SKP2: variants seen among roughly 807,000 people sequenced by gnomAD.
SKP2 encodes S-phase kinase associated protein 2.
A neutral mutation model predicts 51.8 loss-of-function variants in SKP2; 16 were observed. The ratio of observed to expected loss-of-function variants is 0.31; its 90% CI spans 0.21 to 0.47. SKP2 has a LOEUF of 0.47. SKP2 is among the 20% of genes least tolerant of loss of function. The pLI is 1.00. For synonymous variants in SKP2, 176 were observed against 198.6 expected (o/e 0.89, Z 0.96); for missense variants, 377 against 505.3 (o/e 0.75, Z 2.43).
intron 1 of SKP2, 150 bp downstream of exon 1, chr5:36,152,420 G>A (rs185448561): frequency 7.3e-6 from 6 of 819,180 alleles, no homozygotes; most frequent in Middle Eastern, 4.5e-4. Flanking sequence ...TGAATGGATG[G>A]ATGCCTTAGT....
At chr5:36,153,580 C>T (rs971671345) in intron 2 of SKP2, among the ~76,000 whole-genome samples, 14 of 152,206 alleles carry the variant, frequency 9.2e-5, no homozygotes, top group Admixed American at 8.5e-4. Context: ...TCACCCAACC[C>T]GAAAACCTGA....
intron 5 of SKP2, among the ~76,000 whole-genome samples, chr5:36,168,881 G>A (rs913285590): frequency 6.6e-6 from 1 of 152,216 alleles, no homozygotes; most frequent in African/African-American, 2.4e-5. Flanking sequence ...AAATGTTTCA[G>A]TGAATATGTG....
At chr5:36,191,592 G>A (rs867372641) in intron 6 of SKP2, among the ~76,000 whole-genome samples, 2 of 152,170 alleles carry the variant, frequency 1.3e-5, no homozygotes, top group East Asian at 1.9e-4. Flanking sequence ...TGGATAAAGC[G>A]CTTGTGTCCT....
intron 4 of SKP2, 63 bp downstream of exon 4, chr5:36,166,725 C>CTTT (rs3086385): frequency 1.5e-3 from 1,315 of 899,350 alleles, no homozygotes; most frequent in Non-Finnish European, 1.8e-3. Flanking sequence ...CAGATCAAAG[C>CTTT]TTTTTTTTTT....
chr5:36,171,678 A>G lies in SKP2; in HGVS notation c.846A>G (p.Ser282=), dbSNP rs61755301. ...TACAGGTGGCTGTTGCGCATGTGTCAGAGACCATCACCCAGCTGAATCTTA... is the reference window on the plus strand; with the variant it reads ...TACAGGTGGCTGTTGCGCATGTGTCGGAGACCATCACCCAGCTGAATCTTA... ...KHVQVAVAHV[S]ETITQLNLSG... is the part of the protein sequence containing the mutation. Residue 282 remains serine (S), a synonymous_variant, in exon 7 of 10, where the codon TCA becomes TCG. Coordinates refer to ENST00000274255, the MANE Select transcript of SKP2 (RefSeq NM_005983.4). 0.047 allele frequency: 75,181 copies of G among 1,613,848 alleles called. 2,316 individuals carry two copies. The highest frequency in any genetic ancestry group is 0.13 in the East Asian group (5,976 of 44,868).
rs1458466731 is a variant in SKP2 at position 36,182,663 on chromosome 5, G to T, written c.*632G>T. ...AAACATTACAAAACCCAGAGATATA[G>T]AATCAATATAGGATTTGAAGGCCCA... is the stretch of plus-strand genomic sequence containing the variant. On this transcript the variant is annotated 3_prime_UTR_variant, in exon 10 of 10. Coordinates refer to ENST00000274255, the MANE Select transcript of SKP2 (RefSeq NM_005983.4). 6.1e-6 allele frequency: 6 copies of T among 976,820 alleles called. No homozygotes were observed. Among genetic ancestry groups the T allele is most frequent in the Non-Finnish European group, 7.3e-6 (6 of 822,100 alleles). 60.5% of individuals were successfully genotyped at this position (976,820 alleles called of 1,614,324 possible).
intron 7 of SKP2, among the ~76,000 whole-genome samples, chr5:36,174,673 A>G (rs1745575286): frequency 6.6e-6 from 1 of 152,156 alleles, no homozygotes; most frequent in Non-Finnish European, 1.5e-5. Flanking sequence ...AAATGCAAGG[A>G]CGAAGAGCAA....
chr5:36,182,677 T>C lies in SKP2; in HGVS notation c.*646T>C, dbSNP rs938812805. ...CCAGAGATATAGAATCAATATAGGA[T>C]TTGAAGGCCCAGCAGACAGTTTTCT... On this transcript the variant is annotated 3_prime_UTR_variant, in exon 10 of 10. Coordinates refer to ENST00000274255, the MANE Select transcript of SKP2 (RefSeq NM_005983.4). 7.6e-5 allele frequency: 74 copies of C among 977,612 alleles called. No homozygotes were observed. Among genetic ancestry groups the C allele is most frequent in the African/African-American group, 8.8e-5 (5 of 57,086 alleles). The allele number at this position is 977,612 out of a possible 1,614,324, so 60.6% of individuals were successfully genotyped here.
chr5:36,180,917 G>A (rs898827651), intron 9 of SKP2, among the ~76,000 whole-genome samples: 1 of 152,116 alleles, frequency 6.6e-6, no homozygotes, highest in East Asian at 1.9e-4. Flanking sequence ...ACTTTGTACT[G>A]TATGTCCCAA....
At chr5:36,186,151 G>C (rs1745953557), downstream of SKP2, among the ~76,000 whole-genome samples, 2 of 152,154 alleles carry the variant, frequency 1.3e-5, no homozygotes, top group African/African-American at 4.8e-5. Flanking sequence ...AGGAGATTTT[G>C]GCTGAGACGA....
At chr5:36,167,767 C>T (rs1284275513) in intron 4 of SKP2, among the ~76,000 whole-genome samples, 2 of 152,072 alleles carry the variant, frequency 1.3e-5, no homozygotes, top group South Asian at 2.1e-4. Context: ...TACAGGTGTG[C>T]GCCACCACGC....
Position 36,182,208 on chromosome 5 carries a change from T to C in SKP2, c.*177T>C. 7.1e-7 allele frequency: 1 copy of C among 1,410,728 alleles called. No individual in the cohort carries two copies. Among genetic ancestry groups the C allele is most frequent in the Non-Finnish European group, 9.2e-7 (1 of 1,086,488 alleles). 87.4% of individuals were successfully genotyped at this position (1,410,728 alleles called of 1,614,324 possible). A position where few individuals can be genotyped will look rare whatever the true frequency, so the allele number is the denominator to read the frequency against. On this transcript the variant is annotated 3_prime_UTR_variant, in exon 10 of 10. Coordinates refer to ENST00000274255, the MANE Select transcript of SKP2 (RefSeq NM_005983.4). ...GAAATCTTGCTTTTTGAAATGATTCTAAAAGCTTCTATCACTGCTTTGCTC... is the reference window on the plus strand; with the variant it reads ...GAAATCTTGCTTTTTGAAATGATTCCAAAAGCTTCTATCACTGCTTTGCTC...
At chr5:36,153,835 G>A (rs574838020) in intron 2 of SKP2, among the ~76,000 whole-genome samples, 5 of 152,236 alleles carry the variant, frequency 3.3e-5, no homozygotes, top group Admixed American at 1.3e-4. Flanking sequence ...GCAGGCGAAC[G>A]AGTGCCTCCC....
At chr5:36,175,001 C>T (rs767297195) in intron 7 of SKP2, among the ~76,000 whole-genome samples, 6 of 152,068 alleles carry the variant, frequency 3.9e-5, no homozygotes, top group South Asian at 2.1e-4. Context: ...TGGAGTATTT[C>T]GAGCAGAGCA....
intron 2 of SKP2, chr5:36,155,067 T>C (rs1383783294): frequency 6.6e-6 from 1 of 152,238 alleles, no homozygotes; most frequent in Non-Finnish European, 1.5e-5. Flanking sequence ...TTCTCCCATC[T>C]GGTTTCCTTT....
At chr5:36,160,898 AC>A (rs1745101741) in intron 2 of SKP2, among the ~76,000 whole-genome samples, 1 of 151,926 alleles carries the variant, frequency 6.6e-6, no homozygotes, top group Admixed American at 6.6e-5. Flanking sequence ...TCAGCTTTCT[AC>A]CCCTAGCTTT....
At chr5:36,178,333 T>TA (rs2112006173) in intron 9 of SKP2, among the ~76,000 whole-genome samples, 1 of 152,192 alleles carries the variant, frequency 6.6e-6, no homozygotes, top group East Asian at 1.9e-4. Flanking sequence ...TTGAATCTTT[T>TA]AAGTTAGTTT....
At chr5:36,153,127 G>T in intron 2 of SKP2, 85 bp downstream of exon 2, 1 of 1,338,450 alleles carries the variant, frequency 7.5e-7, no homozygotes, top group Non-Finnish European at 1.0e-6. Flanking sequence ...GAGATCTTTA[G>T]CATGGGTTCC....
At chr5:36,174,423 A>G (rs1745567624) in intron 7 of SKP2, among the ~76,000 whole-genome samples, 1 of 152,144 alleles carries the variant, frequency 6.6e-6, no homozygotes, top group Admixed American at 6.5e-5. Context: ...GTGGTGTCAA[A>G]GTATGATTGC....
Sources: allele counts gnomAD v4.1 joint callset (sites outside exome capture counted in the v4.1 genomes callset), GRCh38; gene constraint gnomAD v4.1.1; transcripts MANE v1.5; gene names NCBI Gene and HGNC (gene_info 2026-07-23, HGNC 2026-07-21).